ALG1: variants seen among roughly 807,000 people sequenced by gnomAD.
The protein encoded by ALG1 is ALG1 chitobiosyldiphosphodolichol beta-mannosyltransferase.
In ALG1, 58 loss-of-function variants were observed where a neutral mutation model predicts 55.1. The observed-to-expected ratio is 1.05, with a 90% CI of 0.85 to 1.31. ALG1 has a LOEUF of 1.31. ALG1 is among the 50% of genes most tolerant of loss of function. ALG1 has a pLI of 0.00. For missense variants in ALG1, 761 were observed against 598.6 expected, an observed-to-expected ratio of 1.27 and a Z score of -2.83; for synonymous variants, 309 against 247.0, an observed-to-expected ratio of 1.25 and a Z score of -2.35.
rs1957216743 is a variant in ALG1, at chr16:5,087,329, G to C, written c.*2448G>C. 1 of 152,140 alleles carries C rather than the reference G, an allele frequency of 6.6e-6. No individual in the cohort carries two copies. Among genetic ancestry groups the C allele is most frequent in the South Asian group, 2.1e-4 (1 of 4,834 alleles). The allele number at this position is 152,140 out of a possible 1,614,324, so 9.4% of individuals were successfully genotyped here. On this transcript the variant is annotated 3_prime_UTR_variant, in exon 13 of 13. Coordinates refer to ENST00000262374, the MANE Select transcript of ALG1 (RefSeq NM_019109.5). ...TGTATATTCTAGGTTTTCCCCTATA[G>C]GTATACTTATGTGAAAATGATTATT...
chr16:5,073,901 A>G (rs920331617), intron 3 of ALG1, among the ~76,000 whole-genome samples: 1 of 151,752 alleles, frequency 6.6e-6, no homozygotes, highest in Non-Finnish European at 1.5e-5. Flanking sequence ...TTTTAGTAGA[A>G]ATGGGGTTAC....
intron 11 of ALG1, among the ~76,000 whole-genome samples, chr16:5,082,912 G>A (rs1957041059): frequency 1.3e-5 from 2 of 152,108 alleles, no homozygotes; most frequent in African/African-American, 4.8e-5. Flanking sequence ...CATGGTTTTT[G>A]CCATTAAAAA....
At chr16:5,081,107 C>T (rs773406018) in intron 10 of ALG1, 51 bp downstream of exon 10, 6 of 283,574 alleles carry the variant, frequency 2.1e-5, no homozygotes, top group South Asian at 1.8e-4. Flanking sequence ...ACAGGGTGGG[C>T]GGGATGTACT....
At chr16:5,084,706 G>A (rs1336201073) in intron 12 of ALG1, 44 bp from the exon 13 acceptor site, 1 of 1,596,318 alleles carries the variant, frequency 6.3e-7, no homozygotes, top group Admixed American at 1.7e-5. Context: ...GGGATGGGGT[G>A]GGGACAGGCA....
In ALG1 at chr16:5,079,792, G is replaced by T; in HGVS notation, c.946G>T (p.Val316Phe). The T allele has an allele frequency of 6.2e-7, 1 of 1,611,652 alleles. No individual in the cohort carries two copies. Among genetic ancestry groups the T allele is most frequent in the Non-Finnish European group, 8.5e-7 (1 of 1,179,772 alleles). ...TLDGHNLPSL[V>F]CVITGKGPLR... ...TGATGGACACAACCTTCCTTCTCTCGTCTGTGTGATAACAGGTACTGCCTG... is the reference window on the plus strand; with the variant it reads ...TGATGGACACAACCTTCCTTCTCTCTTCTGTGTGATAACAGGTACTGCCTG... The change falls in exon 9 of 13, where the codon GTC (valine) becomes TTC (phenylalanine). Residue 316 changes from valine (V) to phenylalanine (F), a missense_variant. Transcript: ENST00000262374.
At position 5,079,118 on chromosome 16, in the gene ALG1, C is replaced by T. The variant is rs1274289637; in HGVS notation, c.901+16C>T. 7.5e-6 allele frequency: 12 copies of T among 1,595,290 alleles called. No individual in the cohort carries two copies. The highest frequency in any genetic ancestry group is 2.7e-5 in the African/African-American group (2 of 74,928). ...GCTTTAGAAAGTAGGTGTGTGGCTG[C>T]GGTGAGGAGCTCTGGGCTTGTCGGG... On this transcript the variant is annotated intron_variant, in intron 8 of 12. Transcript: ENST00000262374.
chr16:5,075,452 T>C lies in ALG1; in HGVS notation c.455T>C (p.Leu152Pro). 1 of 1,614,184 alleles carries C rather than the reference T, an allele frequency of 6.2e-7. No homozygotes were observed. The highest frequency in any genetic ancestry group is 1.1e-5 in the South Asian group (1 of 91,088). The change falls in exon 4 of 13, where the codon CTC (leucine) becomes CCC (proline). Residue 152 changes from leucine to proline, a missense_variant. Transcript: ENST00000262374. ...WFVGCLCGSK[L>P]VIDWHNYGYS... Reference sequence around the variant, plus strand: ...GTGGGCTGCCTTTGTGGAAGCAAGCTCGTCATTGACTGGCACAACTATGGC... The same window carrying C: ...GTGGGCTGCCTTTGTGGAAGCAAGCCCGTCATTGACTGGCACAACTATGGC...
intron 7 of ALG1, 75 bp downstream of exon 7, chr16:5,078,953 C>T: frequency 2.5e-6 from 4 of 1,596,756 alleles, no homozygotes; most frequent in Non-Finnish European, 3.4e-6. Flanking sequence ...TCACCCCTGC[C>T]AGTCCTGCAT....
intron 1 of ALG1, 180 bp downstream of exon 1, chr16:5,072,237 G>A: frequency 6.6e-7 from 1 of 1,506,782 alleles, no homozygotes; most frequent in South Asian, 1.3e-5. Context: ...TATAGCCGGC[G>A]TTAATCTTGC....
Position 5,080,405 on chromosome 16 carries a change from C to T in ALG1, c.962-541C>T, listed in dbSNP as rs924690964. Among the ~76,000 whole-genome samples the T allele has an allele frequency of 2.6e-4, 40 of 152,114 alleles. 1 individual carries two copies. The highest frequency in any genetic ancestry group is 6.5e-4 in the African/African-American group (27 of 41,432). On this transcript the variant is annotated intron_variant, in intron 9 of 12. Transcript: ENST00000262374. ...TAACCAAGCCTCTTAATTTTTCAAA[C>T]GGAAGAGCCCCTGTCCCACAGTTAC... is the stretch of plus-strand genomic sequence containing the variant.
chr16:5,085,371 A>C lies in ALG1; in HGVS notation c.*490A>C. ...TACACACGTTTTTATTTGCACAAAG[A>C]AAATGCTATTTTTGGAGCCAGAATT... On this transcript the variant is annotated 3_prime_UTR_variant, in exon 13 of 13. Coordinates refer to ENST00000262374, the MANE Select transcript of ALG1 (RefSeq NM_019109.5). 1 of 537,648 alleles carries C rather than the reference A, an allele frequency of 1.9e-6. No individual in the cohort carries two copies. Among genetic ancestry groups the C allele is most frequent in the Middle Eastern group, 5.4e-4 (1 of 1,868 alleles). 33.3% of individuals were successfully genotyped at this position (537,648 alleles called of 1,614,324 possible).
chr16:5,072,484 G>A (rs1956834219), intron 1 of ALG1, among the ~76,000 whole-genome samples: 1 of 152,210 alleles, frequency 6.6e-6, no homozygotes, highest in African/African-American at 2.4e-5. Context: ...CCCACAGTGT[G>A]CAGGGCAGCG....
Position 5,085,078 on chromosome 16 carries a change from C to A in ALG1, c.*197C>A. The A allele has an allele frequency of 1.1e-6, 1 of 927,012 alleles. No homozygotes were observed. The highest frequency in any genetic ancestry group is 1.6e-6 in the Non-Finnish European group (1 of 620,304). The allele number at this position is 927,012 out of a possible 1,614,324, so 57.4% of individuals were successfully genotyped here. A position where few individuals can be genotyped will look rare whatever the true frequency, so the allele number is the denominator to read the frequency against. ...TTGGCCTTGATTTCTTCTCTGGAGG[C>A]TTGGAAACGCTTCCTCTCTTCTTCT... On this transcript the variant is annotated 3_prime_UTR_variant, in exon 13 of 13. Coordinates refer to ENST00000262374, the MANE Select transcript of ALG1 (RefSeq NM_019109.5).
Position 5,077,889 on chromosome 16 carries a change from G to A in ALG1, c.630-18G>A, listed in dbSNP as rs545873278. The A allele has an allele frequency of 6.8e-5, 109 of 1,606,676 alleles. No homozygotes were observed. The highest frequency in any genetic ancestry group is 8.2e-5 in the Non-Finnish European group (97 of 1,179,360). On this transcript the variant is annotated intron_variant, in intron 5 of 12. Coordinates refer to ENST00000262374, the MANE Select transcript of ALG1 (RefSeq NM_019109.5). The stretch of plus-strand genomic sequence containing the variant: ...TTTCTTCAGCCCTCCCAATAGCCCC[G>A]TCATGATTTCATTGCAGGGCTGTGA...
intron 12 of ALG1, 57 bp from the exon 13 acceptor site, chr16:5,084,693 C>T: frequency 3.8e-6 from 6 of 1,595,936 alleles, no homozygotes; most frequent in Non-Finnish European, 4.2e-6. Context: ...CAGGTGGTGA[C>T]CTGGGATGGG....
intron 6 of ALG1, chr16:5,078,222 A>G (rs1203624856): frequency 3.5e-5 from 25 of 724,530 alleles, no homozygotes; most frequent in Non-Finnish European, 5.6e-5. Context: ...TTTGAGCTGC[A>G]ATAGCAGAAT....
At chr16:5,080,077 T>TC (rs1025456238) in intron 9 of ALG1, among the ~76,000 whole-genome samples, 6 of 150,434 alleles carry the variant, frequency 4.0e-5, no homozygotes, top group Non-Finnish European at 8.9e-5. Context: ...TGGTGTCTTT[T>TC]TTTTTTTTTT....
At chr16:5,072,288 T>C in intron 1 of ALG1, 1 of 1,434,814 alleles carries the variant, frequency 7.0e-7, no homozygotes, top group Non-Finnish European at 9.1e-7. Context: ...TTGCGTGGTC[T>C]CACGTAATTC....
At position 5,085,098 on chromosome 16, in the gene ALG1, T is replaced by A; in HGVS notation, c.*217T>A. 1 of 796,624 alleles carries A rather than the reference T, an allele frequency of 1.3e-6. No individual in the cohort carries two copies. Among genetic ancestry groups the A allele is most frequent in the Non-Finnish European group, 2.0e-6 (1 of 507,244 alleles). 49.3% of individuals were successfully genotyped at this position (796,624 alleles called of 1,614,324 possible). On this transcript the variant is annotated 3_prime_UTR_variant, in exon 13 of 13. Coordinates refer to ENST00000262374, the MANE Select transcript of ALG1 (RefSeq NM_019109.5). ...GGAGGCTTGGAAACGCTTCCTCTCTTCTTCTGTTCTTCACGCCCCATGCCC... is the reference window on the plus strand; with the variant it reads ...GGAGGCTTGGAAACGCTTCCTCTCTACTTCTGTTCTTCACGCCCCATGCCC...
Sources: gnomAD v4.1 joint callset for allele counts (sites outside exome capture counted in the v4.1 genomes callset) on GRCh38, gnomAD v4.1.1 for gene constraint, MANE v1.5 for transcripts, NCBI Gene and HGNC (gene_info 2026-07-23, HGNC 2026-07-21) for gene names.